KCNQ1OT1: variants seen among roughly 807,000 people sequenced by gnomAD.
KCNQ1OT1 encodes the protein KCNQ1 opposite strand/antisense transcript 1.
exon 1 of KCNQ1OT1, chr11:2,629,217 T>C: frequency 2.5e-6 from 1 of 398,400 alleles, no homozygotes; most frequent in Non-Finnish European, 4.4e-6. Flanking sequence ...ATTCTATTGA[T>C]CTATGAACAC....
At chr11:2,619,336 T>G in exon 1 of KCNQ1OT1, 1 of 398,552 alleles carries the variant, frequency 2.5e-6, no homozygotes. Context: ...TTCGTTATAT[T>G]GAGGAGTGTT....
At chr11:2,636,575 G>T (rs1849469180) in exon 1 of KCNQ1OT1, 1 of 152,064 alleles carries the variant, frequency 6.6e-6, no homozygotes, top group South Asian at 2.1e-4. Context: ...TGTGCTGCTG[G>T]ATTCGGTTTG....
chr11:2,645,934 T>A lies in KCNQ1OT1; in HGVS notation n.54061A>T. ...TCACAGTCTGTAGGTAGCCTCTTGT[T>A]AGTCTCAAGGCATCTATGGGTCAGG... On this transcript the variant is annotated non_coding_transcript_exon_variant, in exon 1 of 1. Transcript: ENST00000597346. This position sits in a 1 kb window ranked among gnomAD's most constrained non-coding sequence, Gnocchi z 5.8. 5.0e-6 allele frequency: 2 copies of A among 398,608 alleles called. No individual in the cohort carries two copies. The highest frequency in any genetic ancestry group is 8.8e-6 in the Non-Finnish European group (2 of 226,078). The allele number at this position is 398,608 out of a possible 1,614,324, so 24.7% of individuals were successfully genotyped here.
At chr11:2,618,760 AT>A in exon 1 of KCNQ1OT1, 1 of 398,474 alleles carries the variant, frequency 2.5e-6, no homozygotes, top group Admixed American at 4.4e-5. Flanking sequence ...TTCAATCTGT[AT>A]ATTGATTTGG....
exon 1 of KCNQ1OT1, chr11:2,625,669 G>A (rs889249053): frequency 2.8e-5 from 11 of 396,874 alleles, no homozygotes; most frequent in Admixed American, 4.4e-5. Flanking sequence ...TCTGCCTCCT[G>A]GGTTCACATC....
exon 1 of KCNQ1OT1, chr11:2,633,336 T>C (rs74851248): frequency 0.04 from 16,038 of 398,508 alleles, 464 homozygotes; most frequent in Non-Finnish European, 0.054. Context: ...TATCTCTTAA[T>C]AGTTTATTAT....
At chr11:2,686,959 C>T in exon 1 of KCNQ1OT1, 1 of 398,658 alleles carries the variant, frequency 2.5e-6, no homozygotes. Flanking sequence ...AGCTTACCAT[C>T]CTGATGCAGA....
rs1849603150 is a variant in KCNQ1OT1, at chr11:2,642,973, C to T, written n.57022G>A. 2 of 397,656 alleles carry T rather than the reference C, an allele frequency of 5.0e-6. No homozygotes were observed. Among genetic ancestry groups the T allele is most frequent in the Non-Finnish European group, 8.9e-6 (2 of 225,640 alleles). The allele number at this position is 397,656 out of a possible 1,614,324, so 24.6% of individuals were successfully genotyped here. On this transcript the variant is annotated non_coding_transcript_exon_variant, in exon 1 of 1. Coordinates refer to ENST00000597346, the Ensembl canonical transcript of KCNQ1OT1. The surrounding 1 kb of genome is among the most constrained non-coding windows in gnomAD (Gnocchi z 4.3). ...CCATTTATTTATACAGTTTTGAATG[C>T]TCCTCTTATTTATTTATAGTTTTAT...
Position 2,626,222 on chromosome 11 carries a change from G to A in KCNQ1OT1, n.73773C>T, listed in dbSNP as rs1849259916. 5.0e-6 allele frequency: 2 copies of A among 398,326 alleles called. No homozygotes were observed. Among genetic ancestry groups the A allele is most frequent in the Non-Finnish European group, 8.8e-6 (2 of 226,040 alleles). 24.7% of individuals were successfully genotyped at this position (398,326 alleles called of 1,614,324 possible). A position where few individuals can be genotyped will look rare whatever the true frequency, so the allele number is the denominator to read the frequency against. On this transcript the variant is annotated non_coding_transcript_exon_variant, in exon 1 of 1. Transcript: ENST00000597346. This position sits in a 1 kb window ranked among gnomAD's most constrained non-coding sequence, Gnocchi z 4.0. ...TTTGACCCATTTTGAGTAAGTTTTTGTACACAGTGTTAGGTAAGGGTCTCA... is the reference window on the plus strand; with the variant it reads ...TTTGACCCATTTTGAGTAAGTTTTTATACACAGTGTTAGGTAAGGGTCTCA...
exon 1 of KCNQ1OT1, chr11:2,649,272 G>A (rs1486892973): frequency 2.5e-6 from 1 of 398,252 alleles, no homozygotes. Context: ...TGACTGATTT[G>A]TATACTTTTG....
rs894337847 is a variant in KCNQ1OT1 at position 2,651,722 on chromosome 11, C to G, written n.48273G>C. 2.5e-6 allele frequency: 1 copy of G among 398,496 alleles called. No homozygotes were observed. Among genetic ancestry groups the G allele is most frequent in the African/African-American group, 2.1e-5 (1 of 48,614 alleles). The allele number at this position is 398,496 out of a possible 1,614,324, so 24.7% of individuals were successfully genotyped here. ...GGCCATTTCCTAAGTAAGCATCATC[C>G]TCATTTCTATACGTTTTCTCTGATT... On this transcript the variant is annotated non_coding_transcript_exon_variant, in exon 1 of 1. Transcript: ENST00000597346. This position sits in a 1 kb window ranked among gnomAD's most constrained non-coding sequence, Gnocchi z 6.1.
At chr11:2,643,030 A>C (rs1277558731) in exon 1 of KCNQ1OT1, 1 of 397,920 alleles carries the variant, frequency 2.5e-6, no homozygotes, top group Non-Finnish European at 4.4e-6. Flanking sequence ...ATGTGATATG[A>C]ATCCAATTTA....
At chr11:2,686,942 C>T (rs996619605) in exon 1 of KCNQ1OT1, 1 of 398,676 alleles carries the variant, frequency 2.5e-6, no homozygotes, top group Admixed American at 4.4e-5. Flanking sequence ...TGATGCGGAG[C>T]ATGCCCAGCT....
Position 2,617,502 on chromosome 11 carries a change from C to T in KCNQ1OT1, n.82493G>A. On this transcript the variant is annotated non_coding_transcript_exon_variant, in exon 1 of 1. Transcript: ENST00000597346. The surrounding 1 kb of genome is among the most constrained non-coding windows in gnomAD (Gnocchi z 4.6). ...GTAAGTTTTCATATCGTGACTCATG[C>T]ATATAATGCCACAATGAATATAGGA... The T allele has an allele frequency of 2.5e-6, 1 of 398,420 alleles. No homozygotes were observed. 24.7% of individuals were successfully genotyped at this position (398,420 alleles called of 1,614,324 possible).
chr11:2,622,938 G>A (rs1461437983), exon 1 of KCNQ1OT1: 1 of 398,440 alleles, frequency 2.5e-6, no homozygotes, highest in African/African-American at 2.1e-5. Context: ...TACATTCTGT[G>A]GGTTTCTACA....
exon 1 of KCNQ1OT1, chr11:2,637,476 C>T (rs1210549642): frequency 1.3e-5 from 2 of 152,204 alleles, no homozygotes; most frequent in Non-Finnish European, 2.9e-5. Flanking sequence ...GGTTCAGTTT[C>T]CATGTCGTTG....
exon 1 of KCNQ1OT1, chr11:2,688,623 G>T: frequency 2.5e-6 from 1 of 398,750 alleles, no homozygotes; most frequent in East Asian, 3.6e-5. Context: ...CTGTGCCTGG[G>T]TGAGCTCTGG....
chr11:2,613,946 C>G lies in KCNQ1OT1; in HGVS notation n.86049G>C. 2.5e-6 allele frequency: 1 copy of G among 398,558 alleles called. No individual in the cohort carries two copies. Among genetic ancestry groups the G allele is most frequent in the Non-Finnish European group, 4.4e-6 (1 of 226,046 alleles). 24.7% of individuals were successfully genotyped at this position (398,558 alleles called of 1,614,324 possible). On this transcript the variant is annotated non_coding_transcript_exon_variant, in exon 1 of 1. Transcript: ENST00000597346. The surrounding 1 kb of genome is among the most constrained non-coding windows in gnomAD (Gnocchi z 4.8). The stretch of plus-strand genomic sequence containing the variant: ...GCCCTTTTGAACTTTGCTTTTCTCA[C>G]CTAACAACATCTCCTAGAAATCACT...
chr11:2,669,624 C>T lies in KCNQ1OT1; in HGVS notation n.30371G>A. Reference sequence around the variant, plus strand: ...GGGGCAGTCACCTAATCTCTATCAGCCTCAGTTTCCTCTTGTATACATTGG... The same window carrying T: ...GGGGCAGTCACCTAATCTCTATCAGTCTCAGTTTCCTCTTGTATACATTGG... On this transcript the variant is annotated non_coding_transcript_exon_variant, in exon 1 of 1. Coordinates refer to ENST00000597346, the Ensembl canonical transcript of KCNQ1OT1. The surrounding 1 kb of genome is among the most constrained non-coding windows in gnomAD (Gnocchi z 5.6). The T allele has an allele frequency of 2.5e-6, 1 of 398,638 alleles. No homozygotes were observed. Among genetic ancestry groups the T allele is most frequent in the Non-Finnish European group, 4.4e-6 (1 of 226,070 alleles). The allele number at this position is 398,638 out of a possible 1,614,324, so 24.7% of individuals were successfully genotyped here. A position where few individuals can be genotyped will look rare whatever the true frequency, so the allele number is the denominator to read the frequency against.
Sources: allele counts gnomAD v4.1 joint callset, GRCh38; gene constraint gnomAD v4.1.1; non-coding constraint Gnocchi (gnomAD v3.1); transcripts MANE v1.5; gene names NCBI Gene and HGNC (gene_info 2026-07-23, HGNC 2026-07-21).